Variants in SYT1 observed in about 807,000 individuals in gnomAD.
SYT1 encodes the protein synaptotagmin 1, also known as synaptotagmin-1.
A neutral mutation model predicts 44.8 loss-of-function variants in SYT1; 8 were observed. That is an observed-to-expected ratio of 0.18 (90% CI 0.10 to 0.32). The LOEUF is 0.32. Among genes scored for constraint, SYT1 ranks in the 10% least tolerant of loss-of-function variants. The pLI, the probability that SYT1 is intolerant of heterozygous loss-of-function variation, is 1.00. For missense variants in SYT1, 286 were observed against 509.3 expected (o/e 0.56, Z 4.22); for synonymous variants, 154 against 188.8 (o/e 0.82, Z 1.51).
chr12:79,008,433 T>C (rs374662036), intron 2 of SYT1, among the ~76,000 whole-genome samples: 1 of 152,144 alleles, frequency 6.6e-6, no homozygotes, highest in East Asian at 1.9e-4. Context: ...GCCACTGAGA[T>C]GTTTTCAGCA....
At chr12:79,313,935 C>T (rs543024537) in intron 8 of SYT1, among the ~76,000 whole-genome samples, 1 of 151,550 alleles carries the variant, frequency 6.6e-6, no homozygotes, top group Non-Finnish European at 1.5e-5. Context: ...TTTGGGAGGC[C>T]GAGGCGGGCG....
chr12:79,358,074 C>T (rs1883180859), intron 9 of SYT1, among the ~76,000 whole-genome samples: 2 of 152,168 alleles, frequency 1.3e-5, no homozygotes, highest in African/African-American at 4.8e-5. Flanking sequence ...ATAGCAATCA[C>T]TTTCCTCAAG....
chr12:79,220,810 A>G (rs1875113931), intron 4 of SYT1, among the ~76,000 whole-genome samples: 1 of 152,230 alleles, frequency 6.6e-6, no homozygotes, highest in East Asian at 1.9e-4. Flanking sequence ...TATAGTTTTA[A>G]TCTTCTTAAG....
intron 4 of SYT1, among the ~76,000 whole-genome samples, chr12:79,244,725 A>AG (rs1463645273): frequency 6.6e-6 from 1 of 151,966 alleles, no homozygotes; most frequent in East Asian, 1.9e-4. Flanking sequence ...AAAAAAAAAA[A>AG]AAAAGCTAAA....
chr12:79,000,123 G>A (rs1870635651), intron 2 of SYT1, among the ~76,000 whole-genome samples: 1 of 152,032 alleles, frequency 6.6e-6, no homozygotes, highest in African/African-American at 2.4e-5. Flanking sequence ...CCATTACTAA[G>A]CTGTGATTCA....
intron 1 of SYT1, among the ~76,000 whole-genome samples, chr12:78,874,330 A>G (rs1665811902): frequency 6.6e-6 from 1 of 151,614 alleles, no homozygotes; most frequent in Admixed American, 6.6e-5. Context: ...AGAAGAGAAT[A>G]GATGGTGGCA....
At chr12:79,358,432 G>A (rs754441898) in intron 9 of SYT1, among the ~76,000 whole-genome samples, 5 of 152,044 alleles carry the variant, frequency 3.3e-5, no homozygotes, top group Non-Finnish European at 5.9e-5. Flanking sequence ...TTCTCATGTG[G>A]TTCTCATGAT....
intron 3 of SYT1, among the ~76,000 whole-genome samples, chr12:79,157,050 T>C (rs1870642353): frequency 1.3e-5 from 2 of 151,902 alleles, no homozygotes; most frequent in Admixed American, 6.6e-5. Context: ...CAGGGTGAGG[T>C]GCAGAGAAGA....
chr12:78,921,529 A>G (rs767860686), intron 1 of SYT1, among the ~76,000 whole-genome samples: 1 of 151,968 alleles, frequency 6.6e-6, no homozygotes, highest in Non-Finnish European at 1.5e-5. Flanking sequence ...TGTATATGCT[A>G]CAATTCCTAA....
intron 3 of SYT1, among the ~76,000 whole-genome samples, chr12:79,065,713 G>T (rs1301446921): frequency 6.6e-6 from 1 of 151,990 alleles, no homozygotes; most frequent in African/African-American, 2.4e-5. Context: ...TGACCAAAAT[G>T]TGCTCCCACT....
chr12:79,261,268 T>C (rs904752116), intron 4 of SYT1, among the ~76,000 whole-genome samples: 1 of 152,186 alleles, frequency 6.6e-6, no homozygotes, highest in Non-Finnish European at 1.5e-5. Context: ...CTATGCCACA[T>C]CTACTATTTG....
intron 4 of SYT1, among the ~76,000 whole-genome samples, chr12:79,241,580 T>C (rs532870127): frequency 4.6e-5 from 7 of 152,302 alleles, no homozygotes; most frequent in African/African-American, 1.4e-4. Flanking sequence ...TGAATGTGTT[T>C]CCCAAAACAT....
intron 9 of SYT1, among the ~76,000 whole-genome samples, chr12:79,405,833 G>A (rs561145524): frequency 5.3e-5 from 8 of 152,162 alleles, no homozygotes; most frequent in African/African-American, 1.9e-4. Context: ...TCCTCATGGT[G>A]CAATTGAAGA....
chr12:79,172,014 A>G (rs994113916), intron 3 of SYT1, among the ~76,000 whole-genome samples: 9 of 152,012 alleles, frequency 5.9e-5, no homozygotes, highest in African/African-American at 2.2e-4. Flanking sequence ...CTACTATATC[A>G]TGCAAATCTT....
intron 3 of SYT1, among the ~76,000 whole-genome samples, chr12:79,126,710 C>T (rs867478144): frequency 6.6e-6 from 1 of 152,112 alleles, no homozygotes; most frequent in Non-Finnish European, 1.5e-5. Flanking sequence ...ATTTTCAGAC[C>T]TACAATAAGA....
chr12:79,117,059 G>T (rs983236870), intron 3 of SYT1, among the ~76,000 whole-genome samples: 2 of 152,154 alleles, frequency 1.3e-5, no homozygotes, highest in African/African-American at 4.8e-5. Context: ...TTAAATTCTT[G>T]AGTGTAGGCG....
At position 79,356,593 on chromosome 12, in the gene SYT1, C is replaced by A. The variant is rs568621026; in HGVS notation, c.928+2974C>A. On this transcript the variant is annotated intron_variant, in intron 9 of 10. Transcript: ENST00000261205. The stretch of plus-strand genomic sequence containing the variant: ...GGAGACCAAAATTATATAATAAGAT[C>A]ATTCCAGGTAATTCAAATGCCAAAG... 2.9e-4 allele frequency among the ~76,000 whole-genome samples: 44 copies of A among 152,310 alleles called. 1 individual carries two copies. In the South Asian group the frequency reaches 9.1e-3, roughly 32 times the overall value.
intron 2 of SYT1, among the ~76,000 whole-genome samples, chr12:78,983,859 C>T (rs916376096): frequency 1.3e-5 from 2 of 151,978 alleles, no homozygotes; most frequent in Non-Finnish European, 2.9e-5. Flanking sequence ...ACTTAGGGAA[C>T]TTAACTAGCT....
chr12:78,983,766 G>A (rs1446117812), intron 2 of SYT1, among the ~76,000 whole-genome samples: 1 of 152,010 alleles, frequency 6.6e-6, no homozygotes, highest in African/African-American at 2.4e-5. Context: ...TTTCGTGTTT[G>A]AAGTTACTGC....
Sources: gnomAD v4.1 joint callset for allele counts (sites outside exome capture counted in the v4.1 genomes callset) on GRCh38, gnomAD v4.1.1 for gene constraint, MANE v1.5 for transcripts, NCBI Gene and HGNC (gene_info 2026-07-23, HGNC 2026-07-21) for gene names.